The following NUDT9 variants were observed in gnomAD, a reference collection of about 807,000 sequenced individuals.
The protein encoded by NUDT9 is nudix hydrolase 9, also known as ADP-ribose pyrophosphatase.
In NUDT9, 31 loss-of-function variants were observed where a neutral mutation model predicts 41.0. The ratio of observed to expected loss-of-function variants is 0.76; its 90% CI spans 0.57 to 1.02. The LOEUF (loss-of-function observed/expected upper bound fraction) is 1.02. Among genes scored for constraint, NUDT9 ranks in the 50% least tolerant of loss-of-function variants. The pLI, the probability that NUDT9 is intolerant of heterozygous loss-of-function variation, is 0.00. For synonymous variants in NUDT9, 146 were observed against 147.6 expected, an observed-to-expected ratio of 0.99 and a Z score of 0.08; for missense variants, 380 against 431.4, an observed-to-expected ratio of 0.88 and a Z score of 1.06.
chr4:87,435,292 C>G (rs1721880317), intron 2 of NUDT9, 72 bp downstream of exon 2: 1 of 1,463,540 alleles, frequency 6.8e-7, no homozygotes, highest in Admixed American at 2.3e-5. Flanking sequence ...TGTAAAGTAT[C>G]TTTTTGACAC....
At chr4:87,456,681 A>G (rs1413060027) in intron 7 of NUDT9, among the ~76,000 whole-genome samples, 2 of 152,116 alleles carry the variant, frequency 1.3e-5, no homozygotes, top group Non-Finnish European at 2.9e-5. Flanking sequence ...TGCTGACTCC[A>G]GCGGTAGGCT....
chr4:87,430,209 G>A (rs1219619917), intron 1 of NUDT9, among the ~76,000 whole-genome samples: 1 of 152,226 alleles, frequency 6.6e-6, no homozygotes, highest in East Asian at 1.9e-4. Flanking sequence ...GTGGAATGAG[G>A]ATTCCCTCTA....
chr4:87,458,289 A>G lies in NUDT9; in HGVS notation c.*268A>G. On this transcript the variant is annotated 3_prime_UTR_variant, in exon 8 of 8. Coordinates refer to ENST00000302174, the MANE Select transcript of NUDT9 (RefSeq NM_024047.5). ...AGCATGGCTTAAATTAAATTTAAAC[A>G]ACTAATGCTCTTTGAAGAATCATAA... 3.6e-6 allele frequency: 1 copy of G among 277,648 alleles called. No individual in the cohort carries two copies. Among genetic ancestry groups the G allele is most frequent in the Non-Finnish European group, 6.6e-6 (1 of 150,786 alleles). 17.2% of individuals were successfully genotyped at this position (277,648 alleles called of 1,614,324 possible).
At chr4:87,427,220 G>A (rs1721468077) in intron 1 of NUDT9, among the ~76,000 whole-genome samples, 1 of 151,790 alleles carries the variant, frequency 6.6e-6, no homozygotes, top group Non-Finnish European at 1.5e-5. Flanking sequence ...CTTGCACATA[G>A]CAATCACTAT....
intron 2 of NUDT9, among the ~76,000 whole-genome samples, chr4:87,436,666 A>G (rs1003376176): frequency 3.9e-5 from 6 of 152,164 alleles, no homozygotes; most frequent in African/African-American, 1.2e-4. Flanking sequence ...CTCTGGTTTT[A>G]TAATTTCATG....
At position 87,422,639 on chromosome 4, in the gene NUDT9, A is replaced by C; in HGVS notation, c.-267A>C. 2.9e-6 allele frequency: 1 copy of C among 346,152 alleles called. No homozygotes were observed. The highest frequency in any genetic ancestry group is 5.2e-6 in the Non-Finnish European group (1 of 192,838). 21.4% of individuals were successfully genotyped at this position (346,152 alleles called of 1,614,324 possible). On this transcript the variant is annotated 5_prime_UTR_variant, in exon 1 of 8. Transcript: ENST00000302174. Reference sequence around the variant, plus strand: ...CGAGGTTCGTGGCCGCGGTTTCCCCAGGCAGCTGGCGCTGGAGGCTTCGGC... The same window carrying C: ...CGAGGTTCGTGGCCGCGGTTTCCCCCGGCAGCTGGCGCTGGAGGCTTCGGC...
rs758551277 is a variant in NUDT9 at position 87,435,096 on chromosome 4, G to A, written c.223G>A (p.Val75Ile). 6.2e-7 allele frequency: 1 copy of A among 1,614,192 alleles called. No homozygotes were observed. The highest frequency in any genetic ancestry group is 8.5e-7 in the Non-Finnish European group (1 of 1,180,034). ...GACGTCTCCTTACCCAGGTTCAAAA[G>A]TTGAACGAAGCCAGGTTCCTAATGA... ...ARTSPYPGSK[V>I]ERSQVPNEKV... The change falls in exon 2 of 8, where the codon GTT (valine) becomes ATT (isoleucine). Residue 75 changes from valine to isoleucine, a missense_variant. Coordinates refer to ENST00000302174, the MANE Select transcript of NUDT9 (RefSeq NM_024047.5).
chr4:87,446,010 C>G (rs894221098), intron 4 of NUDT9, among the ~76,000 whole-genome samples: 19 of 151,552 alleles, frequency 1.3e-4, no homozygotes, highest in Non-Finnish European at 2.5e-4. Context: ...GCAGTCCTCC[C>G]ACCTCGGCTT....
intron 5 of NUDT9, among the ~76,000 whole-genome samples, chr4:87,450,213 T>C (rs771710978): frequency 1.3e-5 from 2 of 152,066 alleles, no homozygotes; most frequent in Non-Finnish European, 2.9e-5. Flanking sequence ...GGTTTTATAT[T>C]TTATACCATA....
chr4:87,455,658 CTTTTTTT>C lies in NUDT9; in HGVS notation c.874+1212_874+1218del, dbSNP rs535251267. Among the ~76,000 whole-genome samples the C allele has an allele frequency of 1.2e-4, 16 of 130,426 alleles. 1 individual carries two copies. The South Asian group carries it at 1.3e-3, about 10-fold the overall frequency. 85.6% of individuals were successfully genotyped at this position (130,426 alleles called of 152,430 possible). A position where few individuals can be genotyped will look rare whatever the true frequency, so the allele number is the denominator to read the frequency against. On this transcript the variant is annotated intron_variant, in intron 7 of 7. Coordinates refer to ENST00000302174, the MANE Select transcript of NUDT9 (RefSeq NM_024047.5). ...CTTTTAGTGCTTTTTTTTCTTTTTT[CTTTTTTT>C]TTTTTTTTAACCCCGAGATGGAGTC... is the stretch of plus-strand genomic sequence containing the variant.
At chr4:87,423,582 G>T (rs1721253266) in intron 1 of NUDT9, among the ~76,000 whole-genome samples, 1 of 152,074 alleles carries the variant, frequency 6.6e-6, no homozygotes, top group African/African-American at 2.4e-5. Context: ...CCTAGGTGCA[G>T]CAGCCTTTTC....
chr4:87,456,481 TC>T (rs1722995831), intron 7 of NUDT9, among the ~76,000 whole-genome samples: 1 of 152,124 alleles, frequency 6.6e-6, no homozygotes, highest in African/African-American at 2.4e-5. Flanking sequence ...ACCTTTCCCC[TC>T]TCCATGTTAG....
intron 3 of NUDT9, among the ~76,000 whole-genome samples, chr4:87,440,432 CTG>C (rs1421717002): frequency 1.3e-5 from 2 of 152,202 alleles, no homozygotes; most frequent in Non-Finnish European, 2.9e-5. Flanking sequence ...TTAATATAGT[CTG>C]TGTGTCCATT....
chr4:87,451,715 T>G lies in NUDT9; in HGVS notation c.769T>G (p.Phe257Val), dbSNP rs773890052. ...AATAGAGGAAAAGTTGCACAAACTCTTCAGCCAAGACCACCTAGTGGTAAG... is the reference window on the plus strand; with the variant it reads ...AATAGAGGAAAAGTTGCACAAACTCGTCAGCCAAGACCACCTAGTGGTAAG... ...REIEEKLHKL[F>V]SQDHLVIYKG... is the part of the protein sequence containing the mutation. Residue 257 changes from phenylalanine to valine, a missense_variant, in exon 6 of 8, where the codon TTC (phenylalanine) becomes GTC (valine). Phe to Val is a conservative substitution (Grantham distance 50, BLOSUM62 -1). Transcript: ENST00000302174. The G allele has an allele frequency of 6.2e-7, 1 of 1,613,724 alleles. No individual in the cohort carries two copies. The highest frequency in any genetic ancestry group is 1.3e-5 in the African/African-American group (1 of 74,916).
At position 87,422,810 on chromosome 4, in the gene NUDT9, G is replaced by A. The variant is rs535928839; in HGVS notation, c.-96G>A. 1.1e-6 allele frequency: 1 copy of A among 880,574 alleles called. No homozygotes were observed. The highest frequency in any genetic ancestry group is 2.1e-5 in the Admixed American group (1 of 46,842). 54.5% of individuals were successfully genotyped at this position (880,574 alleles called of 1,614,324 possible). A position where few individuals can be genotyped will look rare whatever the true frequency, so the allele number is the denominator to read the frequency against. ...GGCAGACAGGTCCTAGTGCCCATCA[G>A]ATACCCGCGGCCGGGACTCGGAGCT... On this transcript the variant is annotated 5_prime_UTR_variant, in exon 1 of 8. Transcript: ENST00000302174.
intron 4 of NUDT9, among the ~76,000 whole-genome samples, chr4:87,442,133 A>G (rs1420565853): frequency 6.6e-6 from 1 of 152,220 alleles, no homozygotes; most frequent in Non-Finnish European, 1.5e-5. Context: ...AACATCATAG[A>G]GTATATTTAC....
chr4:87,457,808 G>A, intron 7 of NUDT9, 35 bp from the exon 8 acceptor site: 1 of 1,591,388 alleles, frequency 6.3e-7, no homozygotes, highest in Non-Finnish European at 8.6e-7. Flanking sequence ...ACAGAAATGA[G>A]TTTTTCTTGG....
In NUDT9 at chr4:87,457,921, T is replaced by G; in HGVS notation, c.953T>G (p.Leu318Arg). The change falls in exon 8 of 8, where the codon CTG becomes CGG. Residue 318 changes from leucine to arginine, a missense_variant. Coordinates refer to ENST00000302174, the MANE Select transcript of NUDT9 (RefSeq NM_024047.5). ...KVKWVDINDK[L>R]KLYASHSQFI... is the part of the protein sequence containing the mutation. ...AAATGGGTGGACATCAATGATAAAC[T>G]GAAGCTTTATGCCAGTCACTCTCAA... 1 of 1,608,600 alleles carries G rather than the reference T, an allele frequency of 6.2e-7. No individual in the cohort carries two copies. The highest frequency in any genetic ancestry group is 1.1e-5 in the South Asian group (1 of 90,412).
chr4:87,435,180 T>A lies in NUDT9; in HGVS notation c.307T>A (p.Ser103Thr), dbSNP rs1182463738. 5.0e-6 allele frequency: 8 copies of A among 1,614,116 alleles called. No individual in the cohort carries two copies. Among genetic ancestry groups the A allele is most frequent in the Non-Finnish European group, 6.8e-6 (8 of 1,179,972 alleles). Residue 103 changes from serine to threonine, a missense_variant, in exon 2 of 8, where the codon TCT becomes ACT. By Grantham distance (58) the Ser-to-Thr change is moderately conservative. Transcript: ENST00000302174. ...TAAGCCTGTGGAATACACTGCAGTC[T>A]CTGTCTTGGCTGGACCCAGGTGGGC... ...DYKPVEYTAV[S>T]VLAGPRWADP...
Sources: gnomAD v4.1 joint callset for allele counts (sites outside exome capture counted in the v4.1 genomes callset) on GRCh38, gnomAD v4.1.1 for gene constraint, MANE v1.5 for transcripts, NCBI Gene and HGNC (gene_info 2026-07-23, HGNC 2026-07-21) for gene names.